LRP1B: variants seen among roughly 807,000 people sequenced by gnomAD.
The protein encoded by LRP1B is LDL receptor related protein 1B, also known as low-density lipoprotein receptor-related protein 1B.
Under a neutral mutation model 556.6 loss-of-function variants are expected in LRP1B, and 217 were observed. The observed-to-expected ratio is 0.39, with a 90% CI of 0.35 to 0.44. The LOEUF is 0.44. Among genes scored for constraint, LRP1B ranks in the 20% least tolerant of loss-of-function variants. The probability of loss-of-function intolerance (pLI) is 1.00; values close to 1 mark genes in which losing one functional copy is unlikely to be tolerated. For synonymous variants in LRP1B, 2,047 were observed against 1,865.8 expected (o/e 1.10, Z -2.50); for missense variants, 5,053 against 5,620.8 (o/e 0.90, Z 3.23).
intron 41 of LRP1B, among the ~76,000 whole-genome samples, chr2:140,697,050 C>T (rs1205685684): frequency 6.6e-6 from 1 of 152,026 alleles, no homozygotes; most frequent in Non-Finnish European, 1.5e-5. Flanking sequence ...ACAGAGGAAA[C>T]AAACAGCAAA....
chr2:141,826,895 CTT>C (rs1297182319), intron 1 of LRP1B, among the ~76,000 whole-genome samples: 2 of 152,106 alleles, frequency 1.3e-5, no homozygotes, highest in Admixed American at 6.5e-5. Context: ...TTTTTAAAAT[CTT>C]TATCAGTCCA....
At chr2:141,617,719 A>T (rs16846620) in intron 2 of LRP1B, among the ~76,000 whole-genome samples, 3,951 of 152,282 alleles carry the variant, frequency 0.026, 163 homozygotes, top group African/African-American at 0.09. Context: ...AAGGAATTTT[A>T]GGCTTTTAAA....
chr2:141,149,490 G>T (rs992644764), intron 7 of LRP1B, among the ~76,000 whole-genome samples: 1 of 152,160 alleles, frequency 6.6e-6, no homozygotes, highest in Non-Finnish European at 1.5e-5. Context: ...ACGGTAGAGT[G>T]TAAGGGACAT....
intron 2 of LRP1B, among the ~76,000 whole-genome samples, chr2:141,494,213 C>T (rs1206867110): frequency 6.6e-6 from 1 of 152,132 alleles, no homozygotes; most frequent in East Asian, 1.9e-4. Flanking sequence ...CCATATGGTA[C>T]AAGGATCTGT....
intron 1 of LRP1B, among the ~76,000 whole-genome samples, chr2:141,891,127 CTTGTT>C (rs2104914076): frequency 6.6e-6 from 1 of 152,170 alleles, no homozygotes; most frequent in Non-Finnish European, 1.5e-5. Flanking sequence ...AACTCTCCCT[CTTGTT>C]TTCTTTTCCT....
chr2:140,417,805 C>T (rs564540664), intron 66 of LRP1B, among the ~76,000 whole-genome samples: 8 of 152,294 alleles, frequency 5.3e-5, no homozygotes, highest in African/African-American at 1.4e-4. Context: ...CAGCATTTTA[C>T]AGAATGTGAT....
At chr2:140,510,610 T>C (rs1689611272) in intron 51 of LRP1B, among the ~76,000 whole-genome samples, 1 of 152,194 alleles carries the variant, frequency 6.6e-6, no homozygotes, top group South Asian at 2.1e-4. Context: ...CTCTGGATCC[T>C]AAGCACCCTC....
At position 140,526,009 on chromosome 2, in the gene LRP1B, C is replaced by CA; in HGVS notation, c.7877-17dup. 4 of 1,605,244 alleles carry CA rather than the reference C, an allele frequency of 2.5e-6. No homozygotes were observed. The highest frequency in any genetic ancestry group is 3.4e-6 in the Non-Finnish European group (4 of 1,176,664). ...TCTGTGTTATCTAGAAGAAGGTAAA[C>CA]AAAAAATGAAAAAGTACCTCATTTT... On this transcript the variant is annotated splice_polypyrimidine_tract_variant and intron_variant, in intron 48 of 90. Coordinates refer to ENST00000389484, the MANE Select transcript of LRP1B (RefSeq NM_018557.3).
Position 141,050,476 on chromosome 2 carries a change from G to T in LRP1B, c.1553-1254C>A, listed in dbSNP as rs190521514. On this transcript the variant is annotated intron_variant, in intron 10 of 90. Coordinates refer to ENST00000389484, the MANE Select transcript of LRP1B (RefSeq NM_018557.3). ...TAAGCCCCACATGCATTTGGTATTT[G>T]TCCTAATGCTGTCCCTCCCCTTGCC... Among the ~76,000 whole-genome samples, 612 of 152,002 alleles carry T rather than the reference G, an allele frequency of 4.0e-3. 3 individuals are homozygous for T. Among genetic ancestry groups the T allele is most frequent in the African/African-American group, 0.014 (573 of 41,488 alleles).
intron 3 of LRP1B, among the ~76,000 whole-genome samples, chr2:141,313,605 T>A (rs140664486): frequency 4.9e-4 from 75 of 152,298 alleles, no homozygotes; most frequent in Middle Eastern, 6.8e-3. Context: ...TGAATAATAT[T>A]GGAATGAGAA....
chr2:140,369,445 T>A (rs1682896738), intron 71 of LRP1B, among the ~76,000 whole-genome samples: 1 of 151,948 alleles, frequency 6.6e-6, no homozygotes, highest in African/African-American at 2.4e-5. Flanking sequence ...AACGCAAAAG[T>A]CGCATGAGTT....
At chr2:141,785,744 T>C (rs1027796710) in intron 2 of LRP1B, among the ~76,000 whole-genome samples, 3 of 151,358 alleles carry the variant, frequency 2.0e-5, no homozygotes, top group African/African-American at 7.3e-5. Context: ...TTGGAACTGA[T>C]AGAGTCCAAG....
chr2:141,391,080 G>A (rs375748205), intron 3 of LRP1B, among the ~76,000 whole-genome samples: 1 of 152,066 alleles, frequency 6.6e-6, no homozygotes, highest in Non-Finnish European at 1.5e-5. Flanking sequence ...GGCGGTTGAG[G>A]GGAGGGAATA....
intron 27 of LRP1B, among the ~76,000 whole-genome samples, chr2:140,862,060 A>G (rs1204947125): frequency 3.3e-5 from 5 of 152,190 alleles, no homozygotes; most frequent in Non-Finnish European, 7.3e-5. Context: ...TTTGCCTTCA[A>G]TCTACAATTG....
chr2:140,248,606 TAATGA>T (rs1479741449), intron 86 of LRP1B, among the ~76,000 whole-genome samples: 1 of 151,602 alleles, frequency 6.6e-6, no homozygotes, highest in African/African-American at 2.4e-5. Context: ...TAGAGTTAGG[TAATGA>T]AATAGGGATA....
rs1192189235 is a variant in LRP1B, at chr2:141,712,836, AT to A, written c.205+97442del. 3.1e-3 allele frequency among the ~76,000 whole-genome samples: 318 copies of A among 103,336 alleles called. 1 individual carries two copies. The highest frequency in any genetic ancestry group is 7.5e-3 in the South Asian group (20 of 2,658). The allele number at this position is 103,336 out of a possible 152,430, so 67.8% of individuals were successfully genotyped here. A position where few individuals can be genotyped will look rare whatever the true frequency, so the allele number is the denominator to read the frequency against. Reference sequence around the variant, plus strand: ...AGGTGCCTGCCACCATGCCCAGCTAATTTTTTTTTTTTTTTTTTTTTTTAGT... The same window carrying A: ...AGGTGCCTGCCACCATGCCCAGCTAATTTTTTTTTTTTTTTTTTTTTTAGT... On this transcript the variant is annotated intron_variant, in intron 2 of 90. Coordinates refer to ENST00000389484, the MANE Select transcript of LRP1B (RefSeq NM_018557.3).
intron 86 of LRP1B, among the ~76,000 whole-genome samples, chr2:140,252,062 C>CAAAAAAAAAAAAAAAAAA: frequency 5.9e-4 from 11 of 18,548 alleles, no homozygotes; most frequent in East Asian, 5.6e-3. Context: ...TGACAAGATG[C>CAAAAAAAAAAAAAAAAAA]AAAAAAAAAA....
At chr2:142,108,198 G>C (rs953327034) in intron 1 of LRP1B, among the ~76,000 whole-genome samples, 2 of 151,424 alleles carry the variant, frequency 1.3e-5, no homozygotes, top group Non-Finnish European at 2.9e-5. Flanking sequence ...AATTTATAGG[G>C]AACTCTCCAT....
chr2:140,736,916 A>G (rs887523226), intron 35 of LRP1B, among the ~76,000 whole-genome samples: 2 of 152,130 alleles, frequency 1.3e-5, no homozygotes, highest in African/African-American at 4.8e-5. Context: ...AACTACCATG[A>G]CTGGCAAGGT....
Sources: gnomAD v4.1 joint callset for allele counts (sites outside exome capture counted in the v4.1 genomes callset) on GRCh38, gnomAD v4.1.1 for gene constraint, MANE v1.5 for transcripts, NCBI Gene and HGNC (gene_info 2026-07-23, HGNC 2026-07-21) for gene names.